The following LRP1B variants were observed in gnomAD, a reference collection of about 807,000 sequenced individuals.
The protein encoded by LRP1B is LDL receptor related protein 1B.
Under a neutral mutation model 556.6 loss-of-function variants are expected in LRP1B, and 217 were observed. The ratio of observed to expected loss-of-function variants is 0.39; its 90% confidence interval spans 0.35 to 0.44. LRP1B has a LOEUF of 0.44. LRP1B is among the 20% of genes least tolerant of loss of function. The pLI is 1.00. For synonymous variants in LRP1B, 2,047 were observed against 1,865.8 expected, an observed-to-expected ratio of 1.10 and a Z score of -2.50; for missense variants, 5,053 against 5,620.8, an observed-to-expected ratio of 0.90 and a Z score of 3.23.
At chr2:141,769,049 G>C (rs1455492771) in intron 2 of LRP1B, among the ~76,000 whole-genome samples, 1 of 152,134 alleles carries the variant, frequency 6.6e-6, no homozygotes, top group African/African-American at 2.4e-5. Flanking sequence ...ATACAGATGA[G>C]AGATGACAAC....
chr2:141,424,636 T>C (rs1424274891), intron 3 of LRP1B, among the ~76,000 whole-genome samples: 2 of 152,220 alleles, frequency 1.3e-5, no homozygotes, highest in Admixed American at 6.5e-5. Context: ...ATGATGTATT[T>C]AAATGCTCCC....
At chr2:140,799,405 C>A (rs1690426775) in intron 32 of LRP1B, among the ~76,000 whole-genome samples, 1 of 152,116 alleles carries the variant, frequency 6.6e-6, no homozygotes, top group African/African-American at 2.4e-5. Context: ...CACCAGGAAC[C>A]AAATTCACCT....
chr2:140,488,151 G>C (rs1277596198), intron 57 of LRP1B, among the ~76,000 whole-genome samples: 3 of 151,856 alleles, frequency 2.0e-5, no homozygotes, highest in East Asian at 1.9e-4. Flanking sequence ...AAATTGAAAA[G>C]GTAGATCATC....
chr2:141,828,810 T>A (rs1395403845), intron 1 of LRP1B, among the ~76,000 whole-genome samples: 1 of 152,008 alleles, frequency 6.6e-6, no homozygotes, highest in East Asian at 1.9e-4. Context: ...AACTGGTTAA[T>A]CGGAATAATA....
intron 2 of LRP1B, among the ~76,000 whole-genome samples, chr2:141,626,818 G>A (rs10928113): frequency 0.73 from 110,884 of 152,140 alleles, 41,239 homozygotes; most frequent in East Asian, 0.84. Flanking sequence ...ACAGGAATGC[G>A]GAGCAATGAT....
At chr2:141,973,238 T>C (rs543103975) in intron 1 of LRP1B, among the ~76,000 whole-genome samples, 1 of 151,832 alleles carries the variant, frequency 6.6e-6, no homozygotes, top group African/African-American at 2.4e-5. Context: ...AAAATGTATT[T>C]TAATAACTCT....
intron 43 of LRP1B, among the ~76,000 whole-genome samples, chr2:140,585,033 C>T (rs926189008): frequency 1.3e-5 from 2 of 151,792 alleles, no homozygotes; most frequent in Admixed American, 6.6e-5. Context: ...TTTGGAGATA[C>T]AAAGATGAAA....
At chr2:142,082,776 G>T (rs542973699) in intron 1 of LRP1B, among the ~76,000 whole-genome samples, 1 of 152,204 alleles carries the variant, frequency 6.6e-6, no homozygotes, top group Non-Finnish European at 1.5e-5. Flanking sequence ...ATTAAAATAT[G>T]CAATAATGGG....
At chr2:141,514,645 A>G (rs1010032348) in intron 2 of LRP1B, among the ~76,000 whole-genome samples, 1 of 152,208 alleles carries the variant, frequency 6.6e-6, no homozygotes, top group African/African-American at 2.4e-5. Flanking sequence ...TAAAACCATC[A>G]TAAGTTGAAA....
chr2:141,658,367 T>G (rs1690092098), intron 2 of LRP1B, among the ~76,000 whole-genome samples: 1 of 152,194 alleles, frequency 6.6e-6, no homozygotes, highest in African/African-American at 2.4e-5. Context: ...AATTTACACA[T>G]TTCAGGGCTT....
chr2:141,828,678 G>T (rs1176332330), intron 1 of LRP1B, among the ~76,000 whole-genome samples: 1 of 152,086 alleles, frequency 6.6e-6, no homozygotes, highest in East Asian at 1.9e-4. Context: ...AAGCTGATTG[G>T]ATCAGGGATA....
intron 25 of LRP1B, among the ~76,000 whole-genome samples, chr2:140,870,083 T>C (rs1287230821): frequency 6.6e-6 from 1 of 152,112 alleles, no homozygotes; most frequent in Non-Finnish European, 1.5e-5. Context: ...GAAATGCAAC[T>C]GTCTGAAAAC....
At chr2:141,546,498 C>G (rs1453792446) in intron 2 of LRP1B, among the ~76,000 whole-genome samples, 1 of 152,146 alleles carries the variant, frequency 6.6e-6, no homozygotes, top group Non-Finnish European at 1.5e-5. Flanking sequence ...ATCTATTGTT[C>G]CACCAATTTC....
chr2:142,109,760 T>C (rs10186258), intron 1 of LRP1B, among the ~76,000 whole-genome samples: 101,673 of 151,992 alleles, frequency 0.67, 34,195 homozygotes, highest in East Asian at 0.71. Flanking sequence ...AAACCAAAAG[T>C]GTAACATGTT....
intron 1 of LRP1B, among the ~76,000 whole-genome samples, chr2:142,123,783 A>C (rs1012677661): frequency 6.6e-6 from 1 of 151,932 alleles, no homozygotes; most frequent in African/African-American, 2.4e-5. Context: ...AAACTTTTAA[A>C]TACACAAGCT....
intron 1 of LRP1B, among the ~76,000 whole-genome samples, chr2:141,986,165 A>T (rs1702181826): frequency 6.6e-6 from 1 of 151,960 alleles, no homozygotes; most frequent in African/African-American, 2.4e-5. Flanking sequence ...ATGTTATAAA[A>T]AATTTCTGGA....
chr2:140,868,793 G>C (rs1477086695), intron 25 of LRP1B, among the ~76,000 whole-genome samples: 1 of 152,046 alleles, frequency 6.6e-6, no homozygotes, highest in African/African-American at 2.4e-5. Context: ...TTTATATTAA[G>C]GGAATAAGAA....
At position 141,480,362 on chromosome 2, in the gene LRP1B, T is replaced by A. The variant is rs1682872819; in HGVS notation, c.343+34A>T. The A allele has an allele frequency of 1.9e-6, 3 of 1,611,896 alleles. No homozygotes were observed. In the East Asian group the frequency reaches 6.7e-5, roughly 36 times the overall value. ...ACTTTCATTACTATGTAAAATTTAA[T>A]ATTTCAGTTGCATTGTTCCACAAAT... On this transcript the variant is annotated intron_variant, in intron 3 of 90. Transcript: ENST00000389484.
intron 1 of LRP1B, among the ~76,000 whole-genome samples, chr2:142,097,146 T>C (rs1021539275): frequency 6.6e-6 from 1 of 151,672 alleles, no homozygotes; most frequent in African/African-American, 2.4e-5. Context: ...AACTCCTCTA[T>C]TAGAATGTAA....
Sources: gnomAD v4.1 joint callset for allele counts (sites outside exome capture counted in the v4.1 genomes callset) on GRCh38, gnomAD v4.1.1 for gene constraint, MANE v1.5 for transcripts, NCBI Gene and HGNC (gene_info 2026-07-23, HGNC 2026-07-21) for gene names.